RUNX1T1: variants seen among roughly 807,000 people sequenced by gnomAD.
RUNX1T1 encodes RUNX1 partner transcriptional co-repressor 1.
In RUNX1T1, 4 loss-of-function variants were observed where a neutral mutation model predicts 62.8. The ratio of observed to expected loss-of-function variants is 0.06; its 90% CI spans 0.03 to 0.15. The LOEUF is 0.15. Among genes scored for constraint, RUNX1T1 ranks in the 10% least tolerant of loss-of-function variants. The probability of loss-of-function intolerance (pLI) is 1.00; values close to 1 mark genes in which losing one functional copy is unlikely to be tolerated. For missense variants in RUNX1T1, 508 were observed against 754.3 expected (o/e 0.67, Z 3.82); for synonymous variants, 291 against 286.0 (o/e 1.02, Z -0.18).
At chr8:92,089,321 ATTAT>A (rs1201095081) in intron 1 of RUNX1T1, among the ~76,000 whole-genome samples, 5 of 152,204 alleles carry the variant, frequency 3.3e-5, no homozygotes, top group African/African-American at 9.7e-5. Flanking sequence ...TAATAATTGA[ATTAT>A]TTAATTATTT....
chr8:92,023,222 T>C (rs1454404664), intron 1 of RUNX1T1, among the ~76,000 whole-genome samples: 1 of 152,184 alleles, frequency 6.6e-6, no homozygotes, highest in African/African-American at 2.4e-5. Context: ...ATTACTTCCC[T>C]TCACTTTTTT....
intron 2 of RUNX1T1, among the ~76,000 whole-genome samples, chr8:92,070,485 G>A (rs975492812): frequency 6.6e-6 from 1 of 152,054 alleles, no homozygotes; most frequent in East Asian, 1.9e-4. Flanking sequence ...AGCTACTTAC[G>A]CTGTGCATAA....
intron 5 of RUNX1T1, among the ~76,000 whole-genome samples, chr8:92,000,109 C>T (rs553648651): frequency 1.1e-4 from 17 of 152,086 alleles, no homozygotes; most frequent in African/African-American, 2.2e-4. Flanking sequence ...AGTTTGAGAC[C>T]GGCCTGGCCA....
intron 1 of RUNX1T1, among the ~76,000 whole-genome samples, chr8:92,060,194 A>G (rs1008392442): frequency 6.6e-6 from 1 of 152,102 alleles, no homozygotes; most frequent in African/African-American, 2.4e-5. Context: ...TAGTAAAATG[A>G]TATTTCTTTA....
At chr8:92,037,436 G>T (rs1827631997) in intron 1 of RUNX1T1, among the ~76,000 whole-genome samples, 1 of 152,192 alleles carries the variant, frequency 6.6e-6, no homozygotes, top group South Asian at 2.1e-4. Flanking sequence ...CCAGCACTTT[G>T]GGAGGCTGAG....
chr8:91,975,914 T>C, exon 9 of RUNX1T1: 1 of 1,610,796 alleles, frequency 6.2e-7, no homozygotes, highest in Non-Finnish European at 8.5e-7. Flanking sequence ...CCAGCTTTCT[T>C]CCAGATCTCC....
intron 6 of RUNX1T1, among the ~76,000 whole-genome samples, chr8:91,990,847 G>A (rs1817536995): frequency 1.3e-5 from 2 of 151,974 alleles, no homozygotes; most frequent in South Asian, 2.1e-4. Context: ...TAGTAGAGAC[G>A]GGATTTTGCC....
rs780025657 is a variant in RUNX1T1, at chr8:92,062,570, C to T, written c.-18G>A. ...CCAGGCATCCTTGAATCCAGCGTAC[C>T]ACACAGAAAGTGGCTGTCTCCTAAA... On this transcript the variant is annotated 5_prime_UTR_variant, in exon 1 of 11. Coordinates refer to ENST00000396218, the Ensembl canonical transcript of RUNX1T1. The T allele has an allele frequency of 1.5e-5, 24 of 1,613,898 alleles. No homozygotes were observed. In the South Asian group the frequency reaches 2.5e-4, roughly 17 times the overall value.
intron 1 of RUNX1T1, among the ~76,000 whole-genome samples, chr8:92,090,666 A>G (rs1246234178): frequency 6.6e-6 from 1 of 152,228 alleles, no homozygotes; most frequent in African/African-American, 2.4e-5. Context: ...ACAATGGATG[A>G]GTAGAAATGG....
At chr8:91,971,407 G>GA (rs1435488503) in intron 9 of RUNX1T1, among the ~76,000 whole-genome samples, 2 of 152,132 alleles carry the variant, frequency 1.3e-5, no homozygotes, top group African/African-American at 4.8e-5. Flanking sequence ...AGAAAAAAAA[G>GA]AGAGGCCGAG....
chr8:92,052,594 A>C (rs144748962), intron 1 of RUNX1T1, among the ~76,000 whole-genome samples: 123 of 152,336 alleles, frequency 8.1e-4, no homozygotes, highest in Middle Eastern at 3.4e-3. Flanking sequence ...AAGGGGCATT[A>C]TCTATAGAAT....
At chr8:92,011,192 C>A (rs1821849078) in intron 3 of RUNX1T1, 101 bp from the exon 5 acceptor site, 1 of 650,922 alleles carries the variant, frequency 1.5e-6, no homozygotes, top group South Asian at 1.9e-5. Context: ...AGTGTAATAA[C>A]AAGCAAACAT....
chr8:91,987,105 CAT>C (rs1816735629), intron 6 of RUNX1T1, 133 bp from the exon 8 acceptor site: 2 of 662,858 alleles, frequency 3.0e-6, no homozygotes, highest in Admixed American at 2.2e-5. Flanking sequence ...AGACATGAGT[CAT>C]ATTTAGATTC....
chr8:92,040,165 T>G (rs566374747), intron 1 of RUNX1T1, among the ~76,000 whole-genome samples: 1 of 152,278 alleles, frequency 6.6e-6, no homozygotes, highest in African/African-American at 2.4e-5. Flanking sequence ...TACAACAAGC[T>G]TATGATCTTT....
exon 10 of RUNX1T1, chr8:91,970,847 C>G (rs1205790393): frequency 1.2e-6 from 2 of 1,606,216 alleles, no homozygotes; most frequent in Admixed American, 3.4e-5. Context: ...TGACGGCCTC[C>G]TCTGTGTGCC....
chr8:91,995,776 G>C (rs1465492507), intron 5 of RUNX1T1, among the ~76,000 whole-genome samples: 2 of 152,044 alleles, frequency 1.3e-5, no homozygotes, highest in East Asian at 1.9e-4. Context: ...AACAGAGTGA[G>C]ACCCTGTCTC....
exon 6 of RUNX1T1, chr8:91,991,875 C>T (rs1484910819): frequency 6.2e-7 from 1 of 1,613,956 alleles, no homozygotes; most frequent in East Asian, 2.2e-5. Context: ...TCTGTCAAAG[C>T]CATTTTCTTT....
At chr8:92,040,146 T>A (rs548064712) in intron 1 of RUNX1T1, among the ~76,000 whole-genome samples, 1 of 152,330 alleles carries the variant, frequency 6.6e-6, no homozygotes, top group Admixed American at 6.5e-5. Flanking sequence ...TTTTGAAATG[T>A]ACCTTGACTA....
In RUNX1T1 at chr8:91,970,043, T is replaced by TGTGTGTGTTGTG. The variant is rs11374252; in HGVS notation, c.1458+614_1458+615insCACAACACACAC. 7.0e-3 allele frequency among the ~76,000 whole-genome samples: 999 copies of TGTGTGTGTTGTG among 142,804 alleles called. 13 individuals carry two copies. Among genetic ancestry groups the TGTGTGTGTTGTG allele is most frequent in the African/African-American group, 0.024 (911 of 37,802 alleles). 93.7% of individuals were successfully genotyped at this position (142,804 alleles called of 152,430 possible). A position where few individuals can be genotyped will look rare whatever the true frequency, so the allele number is the denominator to read the frequency against. Reference sequence around the variant, plus strand: ...CTGTGTGTGTGTGTGTGTGTGTGTGTTGTGTGTGTGTGTGTGAGAATTATT... The same window carrying TGTGTGTGTTGTG: ...CTGTGTGTGTGTGTGTGTGTGTGTGTGTGTGTGTTGTGTGTGTGTGTGTGTGTGAGAATTATT... On this transcript the variant is annotated intron_variant, in intron 10 of 10. Coordinates refer to ENST00000396218, the Ensembl canonical transcript of RUNX1T1.
Sources: gnomAD v4.1 joint callset for allele counts (sites outside exome capture counted in the v4.1 genomes callset) on GRCh38, gnomAD v4.1.1 for gene constraint, MANE v1.5 for transcripts, NCBI Gene and HGNC (gene_info 2026-07-23, HGNC 2026-07-21) for gene names.